CERS4: variants seen among roughly 807,000 people sequenced by gnomAD.
CERS4 encodes the protein ceramide synthase 4.
In CERS4, 65 loss-of-function variants were observed where a neutral mutation model predicts 51.8. The ratio of observed to expected loss-of-function variants is 1.26; its 90% CI spans 1.03 to 1.54. CERS4 has a LOEUF of 1.54. CERS4 is among the 40% of genes most tolerant of loss of function. CERS4 has a pLI of 0.00. For synonymous variants in CERS4, 228 were observed against 208.4 expected, an observed-to-expected ratio of 1.09 and a Z score of -0.81; for missense variants, 563 against 500.4, an observed-to-expected ratio of 1.13 and a Z score of -1.19.
intron 2 of CERS4, among the ~76,000 whole-genome samples, chr19:8,218,058 G>A (rs1054805354): frequency 6.6e-5 from 10 of 152,176 alleles, no homozygotes; most frequent in South Asian, 2.1e-4. Context: ...TTTGCCTCCC[G>A]GGTTCAAGCG....
At chr19:8,255,920 T>G in intron 6 of CERS4, 41 bp downstream of exon 6, 1 of 1,603,528 alleles carries the variant, frequency 6.2e-7, no homozygotes, top group Non-Finnish European at 8.5e-7. Flanking sequence ...ACCTGCCCCA[T>G]CCACCTGGCC....
intron 2 of CERS4, chr19:8,240,614 G>GTGTGTGTGTGTGT (rs148847272): frequency 3.3e-5 from 5 of 152,514 alleles, no homozygotes; most frequent in African/African-American, 9.7e-5. Flanking sequence ...GTGTGTGTGT[G>GTGTGTGTGTGTGT]TTTTCATCTC....
chr19:8,251,109 G>A lies in CERS4; in HGVS notation c.33G>A (p.Gln11=), dbSNP rs1054943145. MLSSFNEWFW[Q]DRFWLPPNVT... is the part of the protein sequence containing the mutation. ...CCAGTTTCAACGAGTGGTTTTGGCAGGACAGGTTCTGGTTACCACCCAATG... is the reference window on the plus strand; with the variant it reads ...CCAGTTTCAACGAGTGGTTTTGGCAAGACAGGTTCTGGTTACCACCCAATG... Residue 11 remains glutamine (Q), a synonymous_variant, in exon 3 of 12, where the codon CAG becomes CAA. Coordinates refer to ENST00000251363, the MANE Select transcript of CERS4 (RefSeq NM_024552.3). The A allele has an allele frequency of 6.2e-7, 1 of 1,608,994 alleles. No individual in the cohort carries two copies. Among genetic ancestry groups the A allele is most frequent in the Non-Finnish European group, 8.5e-7 (1 of 1,178,088 alleles).
chr19:8,251,694 C>T (rs1455718058), intron 3 of CERS4, among the ~76,000 whole-genome samples: 1 of 151,868 alleles, frequency 6.6e-6, no homozygotes, highest in Non-Finnish European at 1.5e-5. Flanking sequence ...ATCCCAACTA[C>T]TCAGGAGGCT....
At chr19:8,261,577 G>T in intron 10 of CERS4, 111 bp from the exon 11 acceptor site, 1 of 1,262,616 alleles carries the variant, frequency 7.9e-7, no homozygotes, top group Non-Finnish European at 1.1e-6. Flanking sequence ...GGGCACTAGG[G>T]AGCCATAGGT....
intron 2 of CERS4, among the ~76,000 whole-genome samples, chr19:8,235,221 A>T (rs1391837828): frequency 6.6e-6 from 1 of 150,650 alleles, no homozygotes; most frequent in Non-Finnish European, 1.5e-5. Flanking sequence ...GTTGGCCAAG[A>T]TGGTCTTGAT....
intron 2 of CERS4, among the ~76,000 whole-genome samples, chr19:8,220,817 G>GTTT (rs71165296): frequency 6.9e-6 from 1 of 144,418 alleles, no homozygotes. Flanking sequence ...GCTGTTTTGT[G>GTTT]TTTTTTTTTT....
At chr19:8,220,839 T>TG (rs2145177643) in intron 2 of CERS4, among the ~76,000 whole-genome samples, 1 of 151,664 alleles carries the variant, frequency 6.6e-6, no homozygotes, top group East Asian at 2.0e-4. Flanking sequence ...GTTTTTTTTT[T>TG]GAGACGGAGT....
intron 2 of CERS4, among the ~76,000 whole-genome samples, chr19:8,242,890 C>T (rs1968596958): frequency 6.6e-6 from 1 of 152,062 alleles, no homozygotes; most frequent in East Asian, 1.9e-4. Flanking sequence ...GTGGTTCTCC[C>T]TCATCCCCTA....
chr19:8,237,047 A>G (rs1198376581), intron 2 of CERS4, among the ~76,000 whole-genome samples: 1 of 151,262 alleles, frequency 6.6e-6, no homozygotes, highest in African/African-American at 2.4e-5. Context: ...GAAAAGAAAG[A>G]AATCTGTTTA....
At chr19:8,216,868 G>T (rs546818465) in intron 2 of CERS4, among the ~76,000 whole-genome samples, 47 of 152,214 alleles carry the variant, frequency 3.1e-4, no homozygotes, top group African/African-American at 1.1e-3. Flanking sequence ...TAACAGGCAG[G>T]TTCTGGAGAC....
At chr19:8,253,325 C>G (rs548648454) in intron 3 of CERS4, among the ~76,000 whole-genome samples, 219 of 152,292 alleles carry the variant, frequency 1.4e-3, no homozygotes, top group African/African-American at 5.1e-3. Flanking sequence ...CAGACCAGGA[C>G]CCAGGCCACA....
chr19:8,223,870 G>A (rs1599523264), intron 2 of CERS4, among the ~76,000 whole-genome samples: 3 of 152,040 alleles, frequency 2.0e-5, no homozygotes, highest in East Asian at 1.9e-4. Context: ...AGACCGAGGC[G>A]GGCGGATCAT....
chr19:8,229,884 C>CTGT (rs796298994), intron 2 of CERS4, among the ~76,000 whole-genome samples: 1 of 151,814 alleles, frequency 6.6e-6, no homozygotes, highest in Admixed American at 6.6e-5. Context: ...TTGTTATTTG[C>CTGT]TGTTGTTGTT....
chr19:8,216,593 T>A (rs917825325), intron 2 of CERS4, among the ~76,000 whole-genome samples: 1 of 152,066 alleles, frequency 6.6e-6, no homozygotes, highest in South Asian at 2.1e-4. Flanking sequence ...CTGGGCAACA[T>A]AGCAAGACCC....
rs867412321 is a variant in CERS4 at position 8,218,641 on chromosome 19, G to A, written c.-2+7779G>A. ...AGATCTTGAGATGGGGAAGGGACAGGCTGGTACTCAGAGCCACTGCTGAGA... is the reference window on the plus strand; with the variant it reads ...AGATCTTGAGATGGGGAAGGGACAGACTGGTACTCAGAGCCACTGCTGAGA... On this transcript the variant is annotated intron_variant, in intron 2 of 11. Transcript: ENST00000251363. Among the ~76,000 whole-genome samples, 6 of 152,124 alleles carry A rather than the reference G, an allele frequency of 3.9e-5. No homozygotes were observed. In the South Asian group the frequency reaches 1.2e-3, roughly 31 times the overall value.
At chr19:8,256,857 A>C in intron 8 of CERS4, 92 bp from the exon 9 acceptor site, 2 of 1,601,124 alleles carry the variant, frequency 1.2e-6, no homozygotes, top group East Asian at 2.2e-5. Context: ...AGGCCACACC[A>C]ACCCCCTGAA....
Position 8,256,649 on chromosome 19 carries a change from T to C in CERS4, c.551T>C (p.Leu184Pro), listed in dbSNP as rs1488827916. 2.5e-6 allele frequency: 4 copies of C among 1,613,886 alleles called. No individual in the cohort carries two copies. The highest frequency in any genetic ancestry group is 1.7e-6 in the Non-Finnish European group (2 of 1,179,878). The change falls in exon 8 of 12, where the codon CTC becomes CCC. Residue 184 changes from leucine (L) to proline (P), a missense_variant. Leu to Pro is a moderately conservative substitution (Grantham distance 98, BLOSUM62 -3). Coordinates refer to ENST00000251363, the MANE Select transcript of CERS4 (RefSeq NM_024552.3). ...AAGCCATCCCTGTACTGGTGGTACC[T>C]CTTGGAGCTGGGTTTCTACCTCTCA... ...TLKPSLYWWY[L>P]LELGFYLSLL...
At chr19:8,257,414 A>C (rs1430926963) in intron 9 of CERS4, among the ~76,000 whole-genome samples, 1 of 150,392 alleles carries the variant, frequency 6.6e-6, no homozygotes, top group Admixed American at 6.7e-5. Context: ...AAAGCTACAC[A>C]CATGTGCACA....
Sources: allele counts gnomAD v4.1 joint callset (sites outside exome capture counted in the v4.1 genomes callset), GRCh38; gene constraint gnomAD v4.1.1; transcripts MANE v1.5; gene names NCBI Gene and HGNC (gene_info 2026-07-23, HGNC 2026-07-21).